The following MYO18B variants were observed in gnomAD, a reference collection of about 807,000 sequenced individuals.
MYO18B encodes the protein myosin XVIIIB, also known as unconventional myosin-XVIIIb.
In MYO18B, 204 loss-of-function variants were observed where a neutral mutation model predicts 273.0. The observed-to-expected ratio is 0.75, with a 90% CI of 0.67 to 0.84. The LOEUF (loss-of-function observed/expected upper bound fraction) is 0.84. Among genes scored for constraint, MYO18B ranks in the 40% least tolerant of loss-of-function variants. The pLI, the probability that MYO18B is intolerant of heterozygous loss-of-function variation, is 0.00. For missense variants in MYO18B, 3,212 were observed against 3,287.6 expected, an observed-to-expected ratio of 0.98 and a Z score of 0.56; for synonymous variants, 1,330 against 1,305.7, an observed-to-expected ratio of 1.02 and a Z score of -0.40.
chr22:25,924,343 A>G (rs1000496373), intron 34 of MYO18B, among the ~76,000 whole-genome samples: 6 of 152,246 alleles, frequency 3.9e-5, no homozygotes, highest in African/African-American at 1.4e-4. Context: ...CATGGTGCTG[A>G]ACAATTTCAT....
At chr22:25,814,244 T>A (rs1313716956) in intron 12 of MYO18B, among the ~76,000 whole-genome samples, 1 of 144,892 alleles carries the variant, frequency 6.9e-6, no homozygotes, top group East Asian at 2.1e-4. Flanking sequence ...TCCTAAATAA[T>A]AACAGTAGCT....
rs139598462 is a variant in MYO18B at position 25,975,821 on chromosome 22, G to C, written c.6157-16542G>C. Among the ~76,000 whole-genome samples, 462 of 152,256 alleles carry C rather than the reference G, an allele frequency of 3.0e-3. 3 individuals are homozygous for C. Among genetic ancestry groups the C allele is most frequent in the African/African-American group, 0.011 (440 of 41,562 alleles). On this transcript the variant is annotated intron_variant, in intron 39 of 43. Transcript: ENST00000335473. The stretch of plus-strand genomic sequence containing the variant: ...GTGATACTGATGCTTCTGGCCCAGA[G>C]ACCCCACTTGGAGCAGCTGGTACTA...
chr22:26,002,299 T>A (rs925569083), intron 40 of MYO18B, among the ~76,000 whole-genome samples: 1 of 152,232 alleles, frequency 6.6e-6, no homozygotes, highest in African/African-American at 2.4e-5. Context: ...GTTTACTGAC[T>A]TTTCTTCTGT....
At chr22:25,773,583 C>G (rs1601650900) in intron 7 of MYO18B, among the ~76,000 whole-genome samples, 1 of 152,150 alleles carries the variant, frequency 6.6e-6, no homozygotes, top group African/African-American at 2.4e-5. Flanking sequence ...CCTGCCTCAG[C>G]CCCCCGAGTA....
chr22:25,767,736 C>G (rs976054434), intron 3 of MYO18B, among the ~76,000 whole-genome samples: 3 of 152,202 alleles, frequency 2.0e-5, no homozygotes, highest in African/African-American at 7.2e-5. Flanking sequence ...TCAGTTTCTA[C>G]ATATTGTCAC....
At chr22:25,855,613 T>C (rs1265254911) in intron 21 of MYO18B, among the ~76,000 whole-genome samples, 3 of 152,196 alleles carry the variant, frequency 2.0e-5, no homozygotes, top group Non-Finnish European at 2.9e-5. Context: ...TAGTATTCCA[T>C]AGTGTCTATG....
At chr22:25,996,801 A>G (rs1290081845) in intron 40 of MYO18B, among the ~76,000 whole-genome samples, 1 of 152,148 alleles carries the variant, frequency 6.6e-6, no homozygotes, top group African/African-American at 2.4e-5. Flanking sequence ...GGCACGTTCT[A>G]GGAAGTGAAA....
intron 34 of MYO18B, among the ~76,000 whole-genome samples, chr22:25,927,421 A>T (rs922981671): frequency 2.0e-5 from 3 of 152,170 alleles, no homozygotes; most frequent in African/African-American, 7.2e-5. Flanking sequence ...CCAGTCTCCC[A>T]TAGCTCTCCC....
chr22:25,991,146 C>T (rs1360879990), intron 39 of MYO18B, among the ~76,000 whole-genome samples: 1 of 152,186 alleles, frequency 6.6e-6, no homozygotes, highest in Non-Finnish European at 1.5e-5. Flanking sequence ...CCTAACCATT[C>T]CCAATTGCTG....
chr22:25,779,618 G>C (rs2087052224), intron 8 of MYO18B, among the ~76,000 whole-genome samples: 1 of 152,236 alleles, frequency 6.6e-6, no homozygotes, highest in South Asian at 2.1e-4. Flanking sequence ...CACAGTGCTT[G>C]TTGCATTGTA....
At chr22:25,862,848 G>T (rs1027887544) in intron 21 of MYO18B, among the ~76,000 whole-genome samples, 10 of 148,668 alleles carry the variant, frequency 6.7e-5, no homozygotes, top group African/African-American at 1.3e-4. Context: ...TTTTTTTTTG[G>T]GGGGGGGTGT....
chr22:25,784,904 G>T (rs528676644), intron 10 of MYO18B, among the ~76,000 whole-genome samples: 3 of 152,298 alleles, frequency 2.0e-5, no homozygotes, highest in East Asian at 1.9e-4. Context: ...AGGATAGCGC[G>T]GAGTCTGGGC....
At chr22:25,997,322 A>AAAC (rs1933381851) in intron 40 of MYO18B, among the ~76,000 whole-genome samples, 1 of 150,558 alleles carries the variant, frequency 6.6e-6, no homozygotes, top group South Asian at 2.1e-4. Flanking sequence ...AAAAAAAAAA[A>AAAC]AAAAAAAACG....
chr22:25,843,515 A>G (rs2090145809), intron 17 of MYO18B, among the ~76,000 whole-genome samples: 3 of 152,218 alleles, frequency 2.0e-5, no homozygotes, highest in Admixed American at 2.0e-4. Flanking sequence ...GTTTGGGAAA[A>G]ACAGGTGTCC....
intron 39 of MYO18B, among the ~76,000 whole-genome samples, chr22:25,981,932 G>A (rs1190483299): frequency 1.3e-5 from 2 of 152,194 alleles, no homozygotes; most frequent in Non-Finnish European, 2.9e-5. Flanking sequence ...ATAAAGAAAA[G>A]AGGTGTAATT....
In MYO18B at chr22:25,898,263, T is replaced by C. The variant is rs1317423963; in HGVS notation, c.4669-44T>C. 10 of 1,585,840 alleles carry C rather than the reference T, an allele frequency of 6.3e-6. 1 individual carries two copies. In the South Asian group the frequency reaches 1.2e-4, roughly 19 times the overall value. Reference sequence around the variant, plus strand: ...TTGAAATACAAAGTAAAAAGCTCGTTCCATGCCCACAGAGCCGGGTAATTC... The same window carrying C: ...TTGAAATACAAAGTAAAAAGCTCGTCCCATGCCCACAGAGCCGGGTAATTC... On this transcript the variant is annotated intron_variant, in intron 28 of 43. Transcript: ENST00000335473.
Position 25,751,585 on chromosome 22 carries a change from G to A in MYO18B, c.-110+9292G>A, listed in dbSNP as rs147495755. 5.5e-4 allele frequency among the ~76,000 whole-genome samples: 84 copies of A among 152,332 alleles called. No individual in the cohort carries two copies. In the East Asian group the frequency reaches 0.015, roughly 28 times the overall value. On this transcript the variant is annotated intron_variant, in intron 1 of 43. Coordinates refer to ENST00000335473, the MANE Select transcript of MYO18B (RefSeq NM_032608.7). ...AGGAGTCAGGCACACCTTGGGGTAA[G>A]TCTCACCTTGGCTTTCTTGCTGGGG...
At chr22:25,749,678 G>A (rs2085879892) in intron 1 of MYO18B, among the ~76,000 whole-genome samples, 1 of 152,170 alleles carries the variant, frequency 6.6e-6, no homozygotes, top group Admixed American at 6.5e-5. Context: ...ATGCCACGTG[G>A]ATGTCAGGGC....
chr22:25,921,424 A>G lies in MYO18B; in HGVS notation c.5517+15A>G. On this transcript the variant is annotated intron_variant, in intron 34 of 43. Transcript: ENST00000335473. Reference sequence around the variant, plus strand: ...TGCACAGCCAGGTGGGTGTCACGGGATCCCCTTGAGAATCAGGCTGGGGAG... The same window carrying G: ...TGCACAGCCAGGTGGGTGTCACGGGGTCCCCTTGAGAATCAGGCTGGGGAG... The G allele has an allele frequency of 1.9e-6, 3 of 1,596,378 alleles. No homozygotes were observed. Among genetic ancestry groups the G allele is most frequent in the Non-Finnish European group, 2.6e-6 (3 of 1,171,710 alleles).
Sources: allele counts gnomAD v4.1 joint callset (sites outside exome capture counted in the v4.1 genomes callset), GRCh38; gene constraint gnomAD v4.1.1; transcripts MANE v1.5; gene names NCBI Gene and HGNC (gene_info 2026-07-23, HGNC 2026-07-21).